The following GALNT11 variants were observed in gnomAD, a reference collection of about 807,000 sequenced individuals.
GALNT11 encodes UDP-GalNAc:polypeptide N-acetylgalactosaminyltransferase 11.
In GALNT11, 47 loss-of-function variants were observed where a neutral mutation model predicts 72.7. The observed-to-expected ratio is 0.65, with a 90% CI of 0.51 to 0.82. The LOEUF is 0.82. Ranked by LOEUF, GALNT11 falls within the 40% of genes least tolerant of loss-of-function variation. The pLI is 0.00. For synonymous variants in GALNT11, 270 were observed against 286.6 expected, an observed-to-expected ratio of 0.94 and a Z score of 0.58; for missense variants, 677 against 778.4, an observed-to-expected ratio of 0.87 and a Z score of 1.55.
At chr7:152,060,935 C>T (rs1223925072) in intron 1 of GALNT11, among the ~76,000 whole-genome samples, 3 of 152,168 alleles carry the variant, frequency 2.0e-5, no homozygotes, top group South Asian at 2.1e-4. Context: ...AATAAACATA[C>T]GTGTGCATGT....
At chr7:152,038,286 A>G (rs2082683948) in intron 1 of GALNT11, among the ~76,000 whole-genome samples, 1 of 152,226 alleles carries the variant, frequency 6.6e-6, no homozygotes, top group Admixed American at 6.5e-5. Context: ...ATTTATTGAC[A>G]GCAAGCCAGT....
chr7:152,052,714 G>T (rs2083460368), intron 1 of GALNT11, among the ~76,000 whole-genome samples: 1 of 152,052 alleles, frequency 6.6e-6, no homozygotes, highest in African/African-American at 2.4e-5. Flanking sequence ...AAATGTACAT[G>T]TTCCCAGAGG....
At chr7:152,052,123 T>C (rs144890408) in intron 1 of GALNT11, among the ~76,000 whole-genome samples, 1 of 152,342 alleles carries the variant, frequency 6.6e-6, no homozygotes, top group East Asian at 1.9e-4. Context: ...ATTTATCCTG[T>C]TGTGTCTGAT....
chr7:152,057,441 G>A (rs2152045290), intron 1 of GALNT11, among the ~76,000 whole-genome samples: 1 of 151,608 alleles, frequency 6.6e-6, no homozygotes, highest in East Asian at 2.0e-4. Context: ...TAAGTAGCTG[G>A]GATTACAGGC....
intron 1 of GALNT11, among the ~76,000 whole-genome samples, chr7:152,028,194 C>G (rs1028414423): frequency 3.9e-5 from 6 of 152,298 alleles, no homozygotes; most frequent in African/African-American, 1.4e-4. Flanking sequence ...GCTCCAGTGG[C>G]CTGCTTTTAT....
At chr7:152,070,889 G>A (rs984157006) in intron 1 of GALNT11, among the ~76,000 whole-genome samples, 10 of 152,114 alleles carry the variant, frequency 6.6e-5, no homozygotes, top group South Asian at 4.1e-4. Context: ...CTGGGCGTCC[G>A]GGGGACACAT....
At chr7:152,064,058 G>A (rs930104714) in intron 1 of GALNT11, among the ~76,000 whole-genome samples, 2 of 152,140 alleles carry the variant, frequency 1.3e-5, no homozygotes, top group Non-Finnish European at 2.9e-5. Flanking sequence ...TGACAGTGGG[G>A]TGTTAAAGTC....
intron 1 of GALNT11, among the ~76,000 whole-genome samples, chr7:152,076,283 C>CA (rs893941567): frequency 6.6e-6 from 1 of 152,094 alleles, no homozygotes; most frequent in African/African-American, 2.4e-5. Context: ...AAGGATTTGT[C>CA]AAGTTGTTCC....
intron 3 of GALNT11, among the ~76,000 whole-genome samples, chr7:152,102,236 C>A (rs2086994588): frequency 6.6e-6 from 1 of 152,162 alleles, no homozygotes; most frequent in South Asian, 2.1e-4. Flanking sequence ...AGAAAAAAAA[C>A]CCTGAAGTTT....
At chr7:152,027,311 G>A (rs1197177182) in intron 1 of GALNT11, among the ~76,000 whole-genome samples, 1 of 152,184 alleles carries the variant, frequency 6.6e-6, no homozygotes, top group Non-Finnish European at 1.5e-5. Flanking sequence ...AGGTACATGA[G>A]ATATTTGATA....
rs942733728 is a variant in GALNT11, at chr7:152,094,888, C to T, written c.295+366C>T. ...AATTCTTGGGCTCAAGCTGCCCTCC[C>T]ACCTCAACCTTGAGAGTAGCTGGGA... On this transcript the variant is annotated intron_variant, in intron 2 of 11. Coordinates refer to ENST00000430044, the MANE Select transcript of GALNT11 (RefSeq NM_022087.4). This position sits in a 1 kb window ranked among gnomAD's most constrained non-coding sequence, Gnocchi z 4.3. Among the ~76,000 whole-genome samples, 2 of 152,190 alleles carry T rather than the reference C, an allele frequency of 1.3e-5. No individual in the cohort carries two copies. The highest frequency in any genetic ancestry group is 4.8e-5 in the African/African-American group (2 of 41,436).
chr7:152,077,409 A>G (rs2085052994), intron 1 of GALNT11, among the ~76,000 whole-genome samples: 1 of 152,180 alleles, frequency 6.6e-6, no homozygotes, highest in Non-Finnish European at 1.5e-5. Flanking sequence ...TGAGCAGTGT[A>G]GTTAACTGAC....
chr7:152,065,389 G>A (rs955488986), intron 1 of GALNT11, among the ~76,000 whole-genome samples: 4 of 152,052 alleles, frequency 2.6e-5, no homozygotes, highest in Admixed American at 6.6e-5. Context: ...CGATGCATTC[G>A]AACTTCCTCC....
chr7:152,050,888 A>G (rs1480509176), intron 1 of GALNT11, among the ~76,000 whole-genome samples: 1 of 151,996 alleles, frequency 6.6e-6, no homozygotes, highest in Non-Finnish European at 1.5e-5. Flanking sequence ...TTTGCTTTCC[A>G]CTGTGACAGG....
chr7:152,055,272 A>T (rs1308005524), intron 1 of GALNT11, among the ~76,000 whole-genome samples: 1 of 152,196 alleles, frequency 6.6e-6, no homozygotes, highest in East Asian at 1.9e-4. Context: ...TTCATCCCAT[A>T]AAAGATGCCA....
In GALNT11 at chr7:152,113,333, G is replaced by A. The variant is rs766807653; in HGVS notation, c.1168G>A (p.Glu390Lys). ...AAAAAGGCGACCATATGGATCTCCC[G>A]AAGGCCAGGACACCATGACACACAA... ...FRKRRPYGSP[E>K]GQDTMTHNSL... The change falls in exon 8 of 12, where the codon GAA becomes AAA. Residue 390 changes from glutamate (E) to lysine (K), a missense_variant. Coordinates refer to ENST00000430044, the MANE Select transcript of GALNT11 (RefSeq NM_022087.4). 32 of 1,614,014 alleles carry A rather than the reference G, an allele frequency of 2.0e-5. No individual in the cohort carries two copies. Among genetic ancestry groups the A allele is most frequent in the South Asian group, 1.3e-4 (12 of 91,068 alleles).
intron 1 of GALNT11, among the ~76,000 whole-genome samples, chr7:152,038,232 A>G (rs1355953415): frequency 2.0e-5 from 3 of 152,196 alleles, no homozygotes; most frequent in Admixed American, 2.0e-4. Context: ...CAGGGGCCTC[A>G]CAGCCTTCAG....
chr7:152,106,657 C>G (rs2087590137), intron 5 of GALNT11, among the ~76,000 whole-genome samples: 1 of 152,152 alleles, frequency 6.6e-6, no homozygotes, highest in Non-Finnish European at 1.5e-5. Context: ...TGTTACAATG[C>G]AAGTTTACTG....
At chr7:152,037,111 G>A (rs997067944) in intron 1 of GALNT11, among the ~76,000 whole-genome samples, 1 of 152,114 alleles carries the variant, frequency 6.6e-6, no homozygotes, top group Non-Finnish European at 1.5e-5. Flanking sequence ...CATGTATGCT[G>A]TGGTGGGGTA....
Sources: allele counts gnomAD v4.1 joint callset (sites outside exome capture counted in the v4.1 genomes callset), GRCh38; gene constraint gnomAD v4.1.1; non-coding constraint Gnocchi (gnomAD v3.1); transcripts MANE v1.5; gene names NCBI Gene and HGNC (gene_info 2026-07-23, HGNC 2026-07-21).